The following CUEDC1 variants were observed in gnomAD, a reference collection of about 807,000 sequenced individuals.
CUEDC1 encodes CUE domain-containing protein 1.
CUEDC1 carries 30 observed loss-of-function variants against 43.7 expected under a neutral mutation model. That is an observed-to-expected ratio of 0.69 (90% CI 0.51 to 0.93). The LOEUF is 0.93. Ranked by LOEUF, CUEDC1 falls within the 40% of genes least tolerant of loss-of-function variation. CUEDC1 has a pLI of 0.00. For missense variants in CUEDC1, 486 were observed against 549.0 expected, an observed-to-expected ratio of 0.89 and a Z score of 1.15; for synonymous variants, 223 against 223.6, an observed-to-expected ratio of 1.00 and a Z score of 0.02.
intron 5 of CUEDC1, 63 bp from the exon 6 acceptor site, chr17:57,871,432 G>A: frequency 1.4e-6 from 2 of 1,400,336 alleles, no homozygotes; most frequent in Admixed American, 3.4e-5. Context: ...GGGCAGGCTG[G>A]GCTGGGACAC....
intron 1 of CUEDC1, among the ~76,000 whole-genome samples, chr17:57,933,638 T>C (rs2143169360): frequency 6.6e-6 from 1 of 152,230 alleles, no homozygotes; most frequent in South Asian, 2.1e-4. Flanking sequence ...GCTTGCTGAG[T>C]TGCAGGGATG....
At chr17:57,916,787 T>C (rs1376457805) in intron 1 of CUEDC1, among the ~76,000 whole-genome samples, 1 of 152,190 alleles carries the variant, frequency 6.6e-6, no homozygotes, top group Admixed American at 6.5e-5. Context: ...AGCACTTACT[T>C]TACAAAAGGA....
chr17:57,943,593 CA>C (rs1197261211), intron 1 of CUEDC1, among the ~76,000 whole-genome samples: 12 of 152,082 alleles, frequency 7.9e-5, no homozygotes, highest in Non-Finnish European at 7.3e-5. Flanking sequence ...CTAAGGCTGC[CA>C]GGGGGAGAGG....
chr17:57,936,722 C>T (rs1457031863), intron 1 of CUEDC1, among the ~76,000 whole-genome samples: 1 of 152,124 alleles, frequency 6.6e-6, no homozygotes, highest in Non-Finnish European at 1.5e-5. Context: ...CAGCTCCACT[C>T]TCCTGCGCAC....
chr17:57,866,632 G>T, intron 9 of CUEDC1, 88 bp from the exon 10 acceptor site: 2 of 1,275,484 alleles, frequency 1.6e-6, no homozygotes, highest in East Asian at 2.3e-5. Context: ...GAGCTGACCC[G>T]ACTCTCTCTG....
At chr17:57,953,368 G>A (rs2075025876) in intron 1 of CUEDC1, among the ~76,000 whole-genome samples, 1 of 152,212 alleles carries the variant, frequency 6.6e-6, no homozygotes, top group South Asian at 2.1e-4. Context: ...TAGCTGTAGG[G>A]AGCTGGGATC....
Position 57,909,201 on chromosome 17 carries a change from G to A in CUEDC1, c.-315-23322C>T, listed in dbSNP as rs368154086. ...TCATGGCGAGACGGGGTTTCACCAC[G>A]TTGGCCAGGCTGGTCTCGAACTCCT... is the stretch of plus-strand genomic sequence containing the variant. On this transcript the variant is annotated intron_variant, in intron 1 of 10. Coordinates refer to ENST00000577830, the MANE Select transcript of CUEDC1 (RefSeq NM_001271875.2). Among the ~76,000 whole-genome samples, 82 of 152,158 alleles carry A rather than the reference G, an allele frequency of 5.4e-4. 1 individual carries two copies. In the South Asian group the frequency reaches 6.6e-3, roughly 12 times the overall value.
At chr17:57,877,351 C>T (rs898951007) in intron 3 of CUEDC1, among the ~76,000 whole-genome samples, 3 of 152,094 alleles carry the variant, frequency 2.0e-5, no homozygotes, top group Non-Finnish European at 4.4e-5. Context: ...GGATTTTCAG[C>T]CAAGCGTGAC....
At position 57,917,831 on chromosome 17, in the gene CUEDC1, G is replaced by A. The variant is rs182289091; in HGVS notation, c.-315-31952C>T. ...TGACGTGCACTGAGGCAGGGGCAGA[G>A]GCTGAACTCTGAAGACTACTCCTCC... On this transcript the variant is annotated intron_variant, in intron 1 of 10. Coordinates refer to ENST00000577830, the MANE Select transcript of CUEDC1 (RefSeq NM_001271875.2). Among the ~76,000 whole-genome samples, 293 of 152,332 alleles carry A rather than the reference G, an allele frequency of 1.9e-3. 1 individual carries two copies. Among genetic ancestry groups the A allele is most frequent in the African/African-American group, 6.7e-3 (278 of 41,576 alleles).
intron 1 of CUEDC1, among the ~76,000 whole-genome samples, chr17:57,950,418 G>A (rs1190822866): frequency 6.6e-6 from 1 of 151,866 alleles, no homozygotes; most frequent in African/African-American, 2.4e-5. Flanking sequence ...CTGCTAAAGT[G>A]CTAGGATTAC....
chr17:57,869,223 C>T (rs759539763), intron 6 of CUEDC1, 30 bp from the exon 7 acceptor site: 2 of 1,606,662 alleles, frequency 1.2e-6, no homozygotes, highest in Non-Finnish European at 1.7e-6. Context: ...GAAGGCCGGC[C>T]ACCGTGGCCA....
chr17:57,929,794 GTCTC>G (rs907449299), intron 1 of CUEDC1, among the ~76,000 whole-genome samples: 18 of 151,998 alleles, frequency 1.2e-4, no homozygotes, highest in Non-Finnish European at 2.1e-4. Flanking sequence ...TTCTCAGTCT[GTCTC>G]TCTCTCTCTT....
Position 57,873,645 on chromosome 17 carries a change from G to A in CUEDC1, c.537C>T (p.Gly179=), listed in dbSNP as rs1478307392. The A allele has an allele frequency of 1.2e-6, 2 of 1,605,310 alleles. No individual in the cohort carries two copies. The highest frequency in any genetic ancestry group is 1.7e-6 in the Non-Finnish European group (2 of 1,175,686). ...RYRNWNPPLL[G]NLPDDFLRIL... ...TGCGGAGAAAGTCATCCGGAAGGTT[G>A]CCCAGCAGTGGTGGGTTCCAGTTCC... The change falls in exon 4 of 11, where the codon GGC becomes GGT. Residue 179 remains glycine, a synonymous_variant. Coordinates refer to ENST00000577830, the MANE Select transcript of CUEDC1 (RefSeq NM_001271875.2).
intron 1 of CUEDC1, among the ~76,000 whole-genome samples, chr17:57,949,224 T>C (rs905247909): frequency 2.0e-5 from 3 of 152,232 alleles, no homozygotes; most frequent in Non-Finnish European, 4.4e-5. Flanking sequence ...GCTGGCAAAG[T>C]GCCCCCTTCC....
chr17:57,932,811 G>A (rs577924447), intron 1 of CUEDC1, among the ~76,000 whole-genome samples: 27 of 151,836 alleles, frequency 1.8e-4, no homozygotes, highest in East Asian at 7.7e-4. Flanking sequence ...GCAGTGAGCC[G>A]AGATTGTGCC....
At chr17:57,927,899 G>A (rs1053703034) in intron 1 of CUEDC1, among the ~76,000 whole-genome samples, 16 of 152,212 alleles carry the variant, frequency 1.1e-4, no homozygotes, top group African/African-American at 3.6e-4. Context: ...CTTTATAGAT[G>A]GGGAAACTGA....
chr17:57,870,340 T>C (rs2074017113), intron 6 of CUEDC1, among the ~76,000 whole-genome samples: 1 of 152,260 alleles, frequency 6.6e-6, no homozygotes, highest in African/African-American at 2.4e-5. Context: ...TCAGAGCTTC[T>C]GAGCAGAAGG....
At position 57,865,761 on chromosome 17, in the gene CUEDC1, G is replaced by A. The variant is rs181114865; in HGVS notation, c.*3+713C>T. 2.7e-3 allele frequency among the ~76,000 whole-genome samples: 404 copies of A among 152,230 alleles called. 2 individuals are homozygous for A. Among genetic ancestry groups the A allele is most frequent in the Admixed American group, 5.8e-3 (88 of 15,280 alleles). On this transcript the variant is annotated intron_variant, in intron 10 of 10. Coordinates refer to ENST00000577830, the MANE Select transcript of CUEDC1 (RefSeq NM_001271875.2). ...GATCCCAGCCCACCCAACCCAAGCA[G>A]GGGGCTGGAGAGAGTTGTGTGTGTG...
At chr17:57,945,876 T>C (rs1481633866) in intron 1 of CUEDC1, among the ~76,000 whole-genome samples, 1 of 151,902 alleles carries the variant, frequency 6.6e-6, no homozygotes, top group African/African-American at 2.4e-5. Flanking sequence ...AAAAATTAGC[T>C]GGGCATGGGG....
Sources: gnomAD v4.1 joint callset for allele counts (sites outside exome capture counted in the v4.1 genomes callset) on GRCh38, gnomAD v4.1.1 for gene constraint, MANE v1.5 for transcripts, NCBI Gene and HGNC (gene_info 2026-07-23, HGNC 2026-07-21) for gene names.